Variants in SKIC8 observed in about 807,000 individuals in gnomAD.
The protein encoded by SKIC8 is superkiller complex protein 8.
At chr15:78,295,751 G>A in the SKIC8 span, 3 of 1,505,760 alleles carry the variant, frequency 2.0e-6, no homozygotes, top group East Asian at 6.9e-5. Context: ...CAGGATTTCA[G>A]TGAGGGGGTG....
the SKIC8 span, among the ~76,000 whole-genome samples, chr15:78,298,863 G>T: frequency 4.6e-5 from 7 of 152,066 alleles, no homozygotes; most frequent in Non-Finnish European, 1.0e-4. Flanking sequence ...GCTTAGAAGC[G>T]GTTAAGGAAG....
the SKIC8 span, chr15:78,283,730 C>CA: frequency 0.024 from 7,575 of 317,004 alleles, 8 homozygotes; most frequent in East Asian, 0.046. Context: ...TCCCATACTC[C>CA]AAAAAAAAAA....
the SKIC8 span, among the ~76,000 whole-genome samples, chr15:78,296,452 T>A: frequency 5.3e-5 from 8 of 151,698 alleles, no homozygotes; most frequent in Admixed American, 4.6e-4. Flanking sequence ...ATCTAATTTC[T>A]CAGGCTACAT....
the SKIC8 span, among the ~76,000 whole-genome samples, chr15:78,289,222 C>A: frequency 3.2e-4 from 48 of 152,110 alleles, no homozygotes; most frequent in African/African-American, 1.1e-3. Context: ...AGAGACCAGT[C>A]TGGGAAACAG....
At chr15:78,299,597 T>C in the SKIC8 span, 1 of 152,340 alleles carries the variant, frequency 6.6e-6, no homozygotes. Context: ...GAAGCCGGGC[T>C]CCGCGCGACT....
chr15:78,289,296 C>T, the SKIC8 span, among the ~76,000 whole-genome samples: 3 of 152,132 alleles, frequency 2.0e-5, no homozygotes, highest in East Asian at 5.8e-4. Flanking sequence ...ACCTGTAGTC[C>T]CAGCTACCCA....
the SKIC8 span, chr15:78,285,039 A>T: frequency 3.7e-6 from 2 of 541,258 alleles, no homozygotes; most frequent in South Asian, 5.3e-5. Flanking sequence ...CTATGTGGGG[A>T]TATGCCTCGT....
the SKIC8 span, chr15:78,294,531 T>C: frequency 9.4e-6 from 2 of 212,364 alleles, no homozygotes; most frequent in African/African-American, 2.3e-5. Context: ...ATTTCACTAT[T>C]ATAGGCTTCA....
chr15:78,295,001 C>A, the SKIC8 span: 1 of 1,614,012 alleles, frequency 6.2e-7, no homozygotes, highest in South Asian at 1.1e-5. Flanking sequence ...CCACATTAAA[C>A]CCATGGTCAG....
the SKIC8 span, chr15:78,286,336 CATA>C: frequency 9.9e-6 from 5 of 504,200 alleles, no homozygotes; most frequent in African/African-American, 1.9e-5. Flanking sequence ...AGCATTAACC[CATA>C]ATGTGTTGAC....
At chr15:78,292,278 A>T in the SKIC8 span, 1 of 274,594 alleles carries the variant, frequency 3.6e-6, no homozygotes, top group Non-Finnish European at 7.1e-6. Flanking sequence ...AGCAGTTTTG[A>T]AATCCAAAAA....
chr15:78,289,258 TA>T, the SKIC8 span, among the ~76,000 whole-genome samples: 1 of 151,880 alleles, frequency 6.6e-6, no homozygotes, highest in Non-Finnish European at 1.5e-5. Context: ...TCAAAAATTT[TA>T]AAAACTAGCC....
At chr15:78,292,706 G>A in the SKIC8 span, 43 of 1,614,084 alleles carry the variant, frequency 2.7e-5, no homozygotes, top group South Asian at 4.7e-4. Context: ...GCAGCAATGG[G>A]CAGGGTGTGG....
the SKIC8 span, chr15:78,288,423 GC>G: frequency 1.9e-6 from 3 of 1,588,460 alleles, no homozygotes; most frequent in African/African-American, 4.0e-5. Context: ...GTGAACCACT[GC>G]CTCCTCACTC....
chr15:78,289,642 C>T, the SKIC8 span: 1 of 1,614,020 alleles, frequency 6.2e-7, no homozygotes, highest in Non-Finnish European at 8.5e-7. Context: ...CAGAAGTTTT[C>T]CAGTTGCAAT....
the SKIC8 span, among the ~76,000 whole-genome samples, chr15:78,296,425 T>TA: frequency 1.8e-4 from 26 of 143,852 alleles, no homozygotes; most frequent in African/African-American, 5.6e-4. Flanking sequence ...AAATAAAAAA[T>TA]AAAAAAAAAA....
the SKIC8 span, chr15:78,295,393 A>C: frequency 3.3e-6 from 2 of 606,808 alleles, no homozygotes; most frequent in Non-Finnish European, 2.9e-6. Context: ...TCTATCTCCT[A>C]TTCTGATCTT....
the SKIC8 span, chr15:78,299,532 A>G: frequency 6.6e-6 from 1 of 152,654 alleles, no homozygotes; most frequent in Non-Finnish European, 1.5e-5. Flanking sequence ...TAATGACCCC[A>G]ATCCCCAACG....
the SKIC8 span, chr15:78,288,354 G>C: frequency 1.2e-6 from 2 of 1,613,788 alleles, no homozygotes; most frequent in South Asian, 1.1e-5. Context: ...CCGGGGAAAA[G>C]GTCAAGGAGC....
Sources: gnomAD v4.1 joint callset for allele counts (sites outside exome capture counted in the v4.1 genomes callset) on GRCh38, gnomAD v4.1.1 for gene constraint, MANE v1.5 for transcripts, NCBI Gene and HGNC (gene_info 2026-07-23, HGNC 2026-07-21) for gene names.